The following CARNMT1 variants were observed in gnomAD, a reference collection of about 807,000 sequenced individuals.
CARNMT1 encodes protein-L-histidine N-pros-methyltransferase CARNMT1.
CARNMT1 carries 28 observed loss-of-function variants against 49.6 expected under a neutral mutation model. The ratio of observed to expected loss-of-function variants is 0.56; its 90% CI spans 0.42 to 0.77. The LOEUF (loss-of-function observed/expected upper bound fraction) is 0.77. Among genes scored for constraint, CARNMT1 ranks in the 30% least tolerant of loss-of-function variants. CARNMT1 has a pLI of 0.00. For synonymous variants in CARNMT1, 178 were observed against 175.0 expected, an observed-to-expected ratio of 1.02 and a Z score of -0.13; for missense variants, 421 against 512.6, an observed-to-expected ratio of 0.82 and a Z score of 1.73.
In CARNMT1 at chr9:75,007,557, C is replaced by T. The variant is rs142542011; in HGVS notation, c.591-7687G>A. Among the ~76,000 whole-genome samples, 697 of 151,576 alleles carry T rather than the reference C, an allele frequency of 4.6e-3. 2 individuals carry two copies. Among genetic ancestry groups the T allele is most frequent in the Admixed American group, 8.1e-3 (123 of 15,202 alleles). On this transcript the variant is annotated intron_variant, in intron 3 of 7. Transcript: ENST00000376834. ...CAGCCTGACCAACATGGTGAAACCC[C>T]GTCTCTACTGAAAATACAAAAATTA...
intron 3 of CARNMT1, among the ~76,000 whole-genome samples, chr9:75,008,932 G>C (rs973306539): frequency 6.6e-6 from 1 of 152,062 alleles, no homozygotes; most frequent in African/African-American, 2.4e-5. Flanking sequence ...AATTAAAATA[G>C]TATGTTATGG....
intron 3 of CARNMT1, among the ~76,000 whole-genome samples, chr9:75,010,846 G>T (rs1833670554): frequency 8.2e-6 from 1 of 121,754 alleles, no homozygotes; most frequent in Non-Finnish European, 1.8e-5. Flanking sequence ...CTGCTTAATG[G>T]GTATGAGGTT....
At chr9:74,994,861 A>C (rs911513181) in intron 6 of CARNMT1, among the ~76,000 whole-genome samples, 1 of 152,116 alleles carries the variant, frequency 6.6e-6, no homozygotes, top group African/African-American at 2.4e-5. Context: ...GAGACTCCAT[A>C]ATGGAATTAG....
chr9:75,026,641 C>A (rs1196485454), intron 1 of CARNMT1, among the ~76,000 whole-genome samples: 1 of 152,172 alleles, frequency 6.6e-6, no homozygotes, highest in Non-Finnish European at 1.5e-5. Flanking sequence ...TAAAGTAATG[C>A]TGTCCCTGGT....
At chr9:75,010,050 T>A (rs916053616) in intron 3 of CARNMT1, 3 of 148,732 alleles carry the variant, frequency 2.0e-5, no homozygotes, top group South Asian at 2.1e-4. Flanking sequence ...AGAAATTTTT[T>A]AAAAAATCAA....
At chr9:74,987,158 T>G (rs778420043) in intron 6 of CARNMT1, among the ~76,000 whole-genome samples, 2 of 152,208 alleles carry the variant, frequency 1.3e-5, no homozygotes, top group Non-Finnish European at 2.9e-5. Context: ...TTGCAATAAG[T>G]ACTTATTTCA....
chr9:75,001,245 G>C (rs1300689271), intron 3 of CARNMT1, among the ~76,000 whole-genome samples: 1 of 152,084 alleles, frequency 6.6e-6, no homozygotes, highest in Non-Finnish European at 1.5e-5. Flanking sequence ...CCAAATGGCT[G>C]ATGACCCCAG....
chr9:74,991,575 G>A (rs41287429), intron 6 of CARNMT1: 6 of 152,214 alleles, frequency 3.9e-5, no homozygotes, highest in African/African-American at 1.2e-4. Flanking sequence ...TCTATATGAG[G>A]ACACGCTTTC....
intron 6 of CARNMT1, among the ~76,000 whole-genome samples, chr9:74,990,458 G>A (rs1206594022): frequency 6.6e-6 from 1 of 152,102 alleles, no homozygotes; most frequent in Admixed American, 6.6e-5. Flanking sequence ...ATGAACTTAC[G>A]ATTTTGTCTG....
intron 1 of CARNMT1, among the ~76,000 whole-genome samples, chr9:75,023,501 T>A (rs1344631001): frequency 6.6e-6 from 1 of 152,226 alleles, no homozygotes; most frequent in East Asian, 1.9e-4. Flanking sequence ...CAGAAGTAAC[T>A]ACACAGAGCA....
chr9:75,010,660 G>C (rs1392640598), intron 3 of CARNMT1, among the ~76,000 whole-genome samples: 1 of 152,120 alleles, frequency 6.6e-6, no homozygotes, highest in Admixed American at 6.6e-5. Flanking sequence ...AATGTGAAGA[G>C]ACATAGCAAA....
chr9:75,017,025 G>T, intron 2 of CARNMT1: 1 of 474,024 alleles, frequency 2.1e-6, no homozygotes, highest in Admixed American at 4.0e-5. Context: ...ATGTCAAAAT[G>T]CATCAAAATC....
In CARNMT1 at chr9:75,017,875, A is replaced by AT. The variant is rs746667759; in HGVS notation, c.231-428dup. 2.3e-4 allele frequency among the ~76,000 whole-genome samples: 35 copies of AT among 152,158 alleles called. 1 individual carries two copies. Among genetic ancestry groups the AT allele is most frequent in the Middle Eastern group, 6.8e-3 (2 of 292 alleles). Reference sequence around the variant, plus strand: ...AATTAACTAAAAGCTAACCAGGTTGATTTTTTTTAAATATCATAGAAGATC... The same window carrying AT: ...AATTAACTAAAAGCTAACCAGGTTGATTTTTTTTTAAATATCATAGAAGATC... On this transcript the variant is annotated intron_variant, in intron 1 of 7. Transcript: ENST00000376834.
intron 6 of CARNMT1, among the ~76,000 whole-genome samples, chr9:74,988,240 A>G (rs1362317372): frequency 3.9e-5 from 6 of 152,078 alleles, no homozygotes; most frequent in East Asian, 3.8e-4. Context: ...TTTAGTGGCC[A>G]TAACAGAAGG....
intron 1 of CARNMT1, 45 bp from the exon 2 acceptor site, chr9:75,017,493 C>G (rs372900168): frequency 2.0e-6 from 3 of 1,518,316 alleles, no homozygotes; most frequent in Admixed American, 1.7e-5. Context: ...AGAATTCTCA[C>G]CAGAGGCCAA....
Position 74,983,800 on chromosome 9 carries a change from T to C in CARNMT1, c.1197A>G (p.Glu399=). Residue 399 remains glutamate, a synonymous_variant, in exon 8 of 8, where the codon GAA becomes GAG. Coordinates refer to ENST00000376834, the MANE Select transcript of CARNMT1 (RefSeq NM_152420.3). ...NDLSMMKYYY[E]CVLFVVRKPQ is the part of the protein sequence containing the mutation. ...GCTTACGGACCACAAACAAGACACA[T>C]TCATAGTAGTATTTCATCATAGAGA... The C allele has an allele frequency of 1.2e-6, 2 of 1,608,826 alleles. No homozygotes were observed. The highest frequency in any genetic ancestry group is 8.5e-7 in the Non-Finnish European group (1 of 1,177,198).
intron 6 of CARNMT1, among the ~76,000 whole-genome samples, chr9:74,994,069 T>C (rs1328296267): frequency 1.3e-5 from 2 of 152,182 alleles, no homozygotes; most frequent in Non-Finnish European, 2.9e-5. Flanking sequence ...CCTCATCCAA[T>C]AGGATTAGTG....
Position 74,985,029 on chromosome 9 carries a change from A to G in CARNMT1, c.1025-19T>C, listed in dbSNP as rs776259957. 6.5e-7 allele frequency: 1 copy of G among 1,543,242 alleles called. No homozygotes were observed. The highest frequency in any genetic ancestry group is 9.0e-7 in the Non-Finnish European group (1 of 1,115,824). On this transcript the variant is annotated intron_variant, in intron 6 of 7. Coordinates refer to ENST00000376834, the MANE Select transcript of CARNMT1 (RefSeq NM_152420.3). ...AGAGGACCTATGGTTTAAAGATACT[A>G]TGAATTACTTGAATATAAACATACA...
chr9:75,021,997 T>A (rs1223044106), intron 1 of CARNMT1, among the ~76,000 whole-genome samples: 2 of 152,016 alleles, frequency 1.3e-5, no homozygotes, highest in East Asian at 1.9e-4. Context: ...AGCTGAATAC[T>A]GACAAATTAT....
Sources: gnomAD v4.1 joint callset for allele counts (sites outside exome capture counted in the v4.1 genomes callset) on GRCh38, gnomAD v4.1.1 for gene constraint, MANE v1.5 for transcripts, NCBI Gene and HGNC (gene_info 2026-07-23, HGNC 2026-07-21) for gene names.